HTR1E: variants seen among roughly 807,000 people sequenced by gnomAD.
HTR1E encodes the protein 5-HT-1E.
A neutral mutation model predicts 3.4 loss-of-function variants in HTR1E; 3 were observed. That is an observed-to-expected ratio of 0.89 (90% CI 0.41 to 2.31). The LOEUF is 2.31. HTR1E is among the 30% of genes most tolerant of loss of function. HTR1E has a pLI of 0.05. For synonymous variants in HTR1E, 170 were observed against 182.8 expected, an observed-to-expected ratio of 0.93 and a Z score of 0.56; for missense variants, 392 against 467.0, an observed-to-expected ratio of 0.84 and a Z score of 1.48.
Position 86,980,516 on chromosome 6 carries a change from A to G in HTR1E, c.-185-34634A>G, listed in dbSNP as rs184317114. On this transcript the variant is annotated intron_variant, in intron 1 of 1. Coordinates refer to ENST00000305344, the MANE Select transcript of HTR1E (RefSeq NM_000865.3). The stretch of plus-strand genomic sequence containing the variant: ...AACAGTACAGGAGGGACTCTCAATA[A>G]GAAATAGAGATATTTAGTTCCACAG... Among the ~76,000 whole-genome samples the G allele has an allele frequency of 4.3e-3, 660 of 152,312 alleles. 3 individuals are homozygous for G. Among genetic ancestry groups the G allele is most frequent in the Non-Finnish European group, 7.3e-3 (494 of 68,014 alleles).
At position 87,016,135 on chromosome 6, in the gene HTR1E, C is replaced by A; in HGVS notation, c.801C>A (p.Pro267=). ...TCCATGCCTCCATCAGGATCCCCCC[C>A]TTCGACAATGATCTAGATCACCCAG... ...EKFHASIRIP[P]FDNDLDHPGE... Residue 267 remains proline (P), a synonymous_variant, in exon 2 of 2, where the codon CCC becomes CCA. Transcript: ENST00000305344. 6.2e-7 allele frequency: 1 copy of A among 1,614,208 alleles called. No individual in the cohort carries two copies. Among genetic ancestry groups the A allele is most frequent in the Non-Finnish European group, 8.5e-7 (1 of 1,180,036 alleles).
At chr6:86,991,442 T>C (rs778776751) in intron 1 of HTR1E, among the ~76,000 whole-genome samples, 13 of 152,202 alleles carry the variant, frequency 8.5e-5, no homozygotes, top group Admixed American at 2.0e-4. Context: ...ACAGCTCTTC[T>C]ATAAATATAA....
intron 1 of HTR1E, among the ~76,000 whole-genome samples, chr6:87,010,433 G>GGT (rs1768201056): frequency 6.6e-6 from 1 of 151,664 alleles, no homozygotes; most frequent in Non-Finnish European, 1.5e-5. Flanking sequence ...TTCCCAGTAG[G>GGT]GGCGACCGGG....
intron 1 of HTR1E, among the ~76,000 whole-genome samples, chr6:86,968,547 T>C (rs563062755): frequency 6.6e-6 from 1 of 152,350 alleles, no homozygotes; most frequent in Non-Finnish European, 1.5e-5. Flanking sequence ...TTCATTTGCA[T>C]TCCTTCTAAG....
intron 1 of HTR1E, among the ~76,000 whole-genome samples, chr6:86,963,600 AAATGC>A (rs1353613712): frequency 6.6e-6 from 1 of 152,190 alleles, no homozygotes; most frequent in East Asian, 1.9e-4. Flanking sequence ...CATTCATGGT[AAATGC>A]CCTATACAGA....
intron 1 of HTR1E, among the ~76,000 whole-genome samples, chr6:86,995,665 CAAAAAAAA>C (rs60134206): frequency 1.4e-4 from 5 of 36,696 alleles, no homozygotes; most frequent in African/African-American, 5.0e-4. Context: ...GACTCCATCT[CAAAAAAAA>C]AAAAAAAAAA....
At chr6:87,003,776 C>T (rs1197189901) in intron 1 of HTR1E, among the ~76,000 whole-genome samples, 1 of 151,578 alleles carries the variant, frequency 6.6e-6, no homozygotes, top group African/African-American at 2.4e-5. Flanking sequence ...AAGATCAGAG[C>T]AGAAATAAGT....
At chr6:86,958,057 ATT>A (rs1247030477) in intron 1 of HTR1E, among the ~76,000 whole-genome samples, 21 of 131,174 alleles carry the variant, frequency 1.6e-4, no homozygotes, top group Admixed American at 3.1e-4. Context: ...CAATAGAGGC[ATT>A]TTTTTTTTTT....
At chr6:86,994,240 G>A (rs113291154) in intron 1 of HTR1E, among the ~76,000 whole-genome samples, 2,728 of 152,194 alleles carry the variant, frequency 0.018, 85 homozygotes, top group African/African-American at 0.06. Context: ...GGCTAAAAAT[G>A]TCCCATTTTG....
intron 1 of HTR1E, among the ~76,000 whole-genome samples, 167 bp from the exon 2 acceptor site, chr6:87,014,983 G>A (rs1409052462): frequency 1.3e-5 from 2 of 151,976 alleles, no homozygotes; most frequent in East Asian, 3.9e-4. Flanking sequence ...AAACTTCCCT[G>A]AAGTAAAAAA....
At chr6:86,955,575 G>A (rs1296783725) in intron 1 of HTR1E, among the ~76,000 whole-genome samples, 1 of 152,210 alleles carries the variant, frequency 6.6e-6, no homozygotes, top group African/African-American at 2.4e-5. Context: ...CTGATCCACA[G>A]AAGCTGTGAG....
intron 1 of HTR1E, among the ~76,000 whole-genome samples, chr6:86,940,137 A>G (rs1210991805): frequency 2.0e-5 from 3 of 152,144 alleles, no homozygotes; most frequent in African/African-American, 7.2e-5. Flanking sequence ...AGTAAGGTAT[A>G]TCATTCACAG....
intron 1 of HTR1E, among the ~76,000 whole-genome samples, chr6:86,972,934 G>A (rs542028707): frequency 6.6e-6 from 1 of 152,128 alleles, no homozygotes; most frequent in Non-Finnish European, 1.5e-5. Context: ...CCCAGAGCAG[G>A]CAGATTAGGT....
intron 1 of HTR1E, among the ~76,000 whole-genome samples, chr6:86,980,747 C>T (rs1191896387): frequency 6.6e-6 from 1 of 152,134 alleles, no homozygotes; most frequent in Non-Finnish European, 1.5e-5. Context: ...TTTGGCAGTA[C>T]TTTATTCCTC....
chr6:86,940,498 G>A (rs183817451), intron 1 of HTR1E, among the ~76,000 whole-genome samples: 134 of 152,144 alleles, frequency 8.8e-4, no homozygotes, highest in Non-Finnish European at 7.4e-4. Flanking sequence ...TTTGTGCCAC[G>A]GCACTACAGC....
chr6:86,980,536 C>G (rs1021576708), intron 1 of HTR1E, among the ~76,000 whole-genome samples: 8 of 152,122 alleles, frequency 5.3e-5, no homozygotes, highest in African/African-American at 1.4e-4. Flanking sequence ...ATATTTAGTT[C>G]CACAGTAGCT....
At chr6:87,007,536 C>T (rs939699138) in intron 1 of HTR1E, among the ~76,000 whole-genome samples, 2 of 152,116 alleles carry the variant, frequency 1.3e-5, no homozygotes, top group Non-Finnish European at 2.9e-5. Context: ...ACTCCATTAC[C>T]TTGATGTGAT....
At chr6:86,976,902 T>C (rs912592483) in intron 1 of HTR1E, among the ~76,000 whole-genome samples, 1 of 152,232 alleles carries the variant, frequency 6.6e-6, no homozygotes, top group South Asian at 2.1e-4. Context: ...TTCCAAAAAG[T>C]AGTTTTTGAA....
intron 1 of HTR1E, among the ~76,000 whole-genome samples, chr6:87,004,241 C>T (rs1039204526): frequency 2.6e-5 from 4 of 152,132 alleles, no homozygotes; most frequent in Admixed American, 6.5e-5. Context: ...GGAGGAAATA[C>T]TTCCACATTT....
Sources: allele counts gnomAD v4.1 joint callset (sites outside exome capture counted in the v4.1 genomes callset), GRCh38; gene constraint gnomAD v4.1.1; transcripts MANE v1.5; gene names NCBI Gene and HGNC (gene_info 2026-07-23, HGNC 2026-07-21).